The following PCDH15 variants were observed in gnomAD, a reference collection of about 807,000 sequenced individuals.
PCDH15 encodes the protein protocadherin related 15, also known as protocadherin-15.
Under a neutral mutation model 178.5 loss-of-function variants are expected in PCDH15, and 129 were observed. That is an observed-to-expected ratio of 0.72 (90% CI 0.63 to 0.84). PCDH15 has a LOEUF of 0.84. Among genes scored for constraint, PCDH15 ranks in the 40% least tolerant of loss-of-function variants. The pLI is 0.00. For missense variants in PCDH15, 2,230 were observed against 2,099.9 expected, an observed-to-expected ratio of 1.06 and a Z score of -1.21; for synonymous variants, 800 against 732.0, an observed-to-expected ratio of 1.09 and a Z score of -1.50.
chr10:55,172,626 A>G (rs965141180), intron 1 of PCDH15, among the ~76,000 whole-genome samples: 2 of 152,056 alleles, frequency 1.3e-5, no homozygotes, highest in South Asian at 4.1e-4. Flanking sequence ...TATTTTTGGC[A>G]TACTTCAAGA....
chr10:54,117,295 C>T (rs1708460298), intron 15 of PCDH15, among the ~76,000 whole-genome samples: 1 of 152,028 alleles, frequency 6.6e-6, no homozygotes, highest in Non-Finnish European at 1.5e-5. Flanking sequence ...TCCATGTAAG[C>T]CTGTGGTTGG....
intron 21 of PCDH15, among the ~76,000 whole-genome samples, chr10:53,964,832 C>T (rs1360856664): frequency 6.6e-6 from 1 of 151,930 alleles, no homozygotes; most frequent in Non-Finnish European, 1.5e-5. Flanking sequence ...AATGGCAAAC[C>T]TTGTATATGA....
chr10:54,775,898 A>G (rs952089165), intron 1 of PCDH15, among the ~76,000 whole-genome samples: 3 of 151,976 alleles, frequency 2.0e-5, no homozygotes, highest in African/African-American at 7.3e-5. Context: ...ACAACAACAA[A>G]CACATAAAAA....
intron 2 of PCDH15, among the ~76,000 whole-genome samples, chr10:55,551,564 T>C (rs1434677795): frequency 6.6e-6 from 1 of 151,812 alleles, no homozygotes; most frequent in Non-Finnish European, 1.5e-5. Context: ...TTTAATGATG[T>C]GTTTCCCAAA....
intron 2 of PCDH15, among the ~76,000 whole-genome samples, chr10:54,621,315 A>C (rs946975250): frequency 6.6e-6 from 1 of 152,014 alleles, no homozygotes; most frequent in African/African-American, 2.4e-5. Flanking sequence ...CCTCTAGTGC[A>C]TATTAAATGG....
intron 2 of PCDH15, among the ~76,000 whole-genome samples, chr10:54,942,598 G>T (rs563702561): frequency 1.3e-5 from 2 of 151,870 alleles, no homozygotes; most frequent in Non-Finnish European, 2.9e-5. Flanking sequence ...TTCATACCTG[G>T]AATGACTTAT....
intron 2 of PCDH15, among the ~76,000 whole-genome samples, chr10:54,613,235 G>A (rs962854136): frequency 2.6e-5 from 4 of 151,790 alleles, no homozygotes; most frequent in African/African-American, 9.7e-5. Flanking sequence ...TAGAAACACA[G>A]CAATGCTATG....
intron 2 of PCDH15, among the ~76,000 whole-genome samples, chr10:55,623,683 G>A (rs980860323): frequency 3.3e-5 from 5 of 150,910 alleles, no homozygotes; most frequent in African/African-American, 1.2e-4. Flanking sequence ...AGAGCACAGA[G>A]GATGAAGAGA....
chr10:53,919,907 A>G (rs1313789141), intron 25 of PCDH15, among the ~76,000 whole-genome samples: 1 of 152,198 alleles, frequency 6.6e-6, no homozygotes, highest in Non-Finnish European at 1.5e-5. Flanking sequence ...GAAGCCAAGA[A>G]TATAGATTGC....
intron 13 of PCDH15, among the ~76,000 whole-genome samples, chr10:54,175,136 C>T (rs893325865): frequency 2.0e-5 from 3 of 152,088 alleles, no homozygotes; most frequent in Non-Finnish European, 4.4e-5. Context: ...TACTGAACCC[C>T]CTCAAGACCT....
chr10:54,232,803 G>T (rs1410858675), intron 9 of PCDH15, among the ~76,000 whole-genome samples: 1 of 150,868 alleles, frequency 6.6e-6, no homozygotes, highest in African/African-American at 2.4e-5. Flanking sequence ...TGTTAATTTT[G>T]TTGATGATTT....
chr10:55,447,799 G>A (rs1348345348), intron 2 of PCDH15, among the ~76,000 whole-genome samples: 1 of 152,020 alleles, frequency 6.6e-6, no homozygotes, highest in African/African-American at 2.4e-5. Flanking sequence ...GAGCATCAGA[G>A]GATTGGAGTA....
intron 2 of PCDH15, among the ~76,000 whole-genome samples, chr10:55,093,626 C>T (rs1396918801): frequency 6.6e-6 from 1 of 152,022 alleles, no homozygotes; most frequent in East Asian, 1.9e-4. Context: ...ACATTTAAGT[C>T]TTTAATCCAT....
At position 54,801,054 on chromosome 10, in the gene PCDH15, A is replaced by G. The variant is rs1178331409; in HGVS notation, c.-158T>C. 1 of 152,192 alleles carries G rather than the reference A, an allele frequency of 6.6e-6. No individual in the cohort carries two copies. The highest frequency in any genetic ancestry group is 1.5e-5 in the Non-Finnish European group (1 of 68,036). 9.4% of individuals were successfully genotyped at this position (152,192 alleles called of 1,614,324 possible). On this transcript the variant is annotated 5_prime_UTR_variant, in exon 1 of 38. The change abolishes an upstream ATG in the 5' untranslated region. Transcript: ENST00000644397. ...TCTAGTTCCAAGACGATTCATTCAC[A>G]TGTTCCACCTCTTGTTTCTGTGAGG...
upstream of PCDH15, among the ~76,000 whole-genome samples, chr10:55,320,973 A>T (rs114512421): frequency 5.2e-3 from 791 of 152,292 alleles, 11 homozygotes; most frequent in African/African-American, 0.018. Context: ...GAATATGGAT[A>T]TTCAATAAGA....
intron 3 of PCDH15, among the ~76,000 whole-genome samples, chr10:54,398,771 C>T (rs1370993399): frequency 3.3e-5 from 5 of 151,940 alleles, no homozygotes; most frequent in African/African-American, 1.2e-4. Context: ...TTCTGGTAGC[C>T]TAGAAATAAT....
rs1268274118 is a variant in PCDH15 at position 53,938,968 on chromosome 10, A to G, written c.3233-13T>C. The stretch of plus-strand genomic sequence containing the variant: ...ATTCCAAATGTATCTAGAAATTAAA[A>G]TACAATTACCTGGTCATTGTCTTTA... On this transcript the variant is annotated splice_polypyrimidine_tract_variant and intron_variant, in intron 24 of 37. Coordinates refer to ENST00000644397, the MANE Select transcript of PCDH15 (RefSeq NM_001384140.1). 7.5e-6 allele frequency: 12 copies of G among 1,610,556 alleles called. No homozygotes were observed. Among genetic ancestry groups the G allele is most frequent in the Non-Finnish European group, 1.0e-5 (12 of 1,177,590 alleles).
chr10:54,151,198 A>G (rs12268555), intron 14 of PCDH15, among the ~76,000 whole-genome samples: 2,346 of 152,212 alleles, frequency 0.015, 76 homozygotes, highest in African/African-American at 0.054. Context: ...TCAAGTCACA[A>G]ACGAGACAAG....
intron 23 of PCDH15, among the ~76,000 whole-genome samples, chr10:53,946,280 T>C (rs2086566881): frequency 6.6e-6 from 1 of 152,124 alleles, no homozygotes; most frequent in South Asian, 2.1e-4. Context: ...CTGGTTCACA[T>C]AGTGACACTG....
Sources: allele counts gnomAD v4.1 joint callset (sites outside exome capture counted in the v4.1 genomes callset), GRCh38; gene constraint gnomAD v4.1.1; transcripts MANE v1.5; gene names NCBI Gene and HGNC (gene_info 2026-07-23, HGNC 2026-07-21).